ATG4B: variants seen among roughly 807,000 people sequenced by gnomAD.
ATG4B encodes cysteine protease ATG4B.
In ATG4B, 29 loss-of-function variants were observed where a neutral mutation model predicts 56.6. The ratio of observed to expected loss-of-function variants is 0.51; its 90% CI spans 0.38 to 0.70. The LOEUF (loss-of-function observed/expected upper bound fraction) is 0.70. Among genes scored for constraint, ATG4B ranks in the 30% least tolerant of loss-of-function variants. The probability of loss-of-function intolerance (pLI) is 0.00; values close to 1 mark genes in which losing one functional copy is unlikely to be tolerated. For missense variants in ATG4B, 461 were observed against 515.5 expected, an observed-to-expected ratio of 0.89 and a Z score of 1.02; for synonymous variants, 224 against 206.1, an observed-to-expected ratio of 1.09 and a Z score of -0.74.
Position 241,673,388 on chromosome 2 carries a change from T to C in ATG4B, c.*1124T>C, listed in dbSNP as rs1170178634. ...AAAGTATCTTTGCCCCACTAGGAAA[T>C]GTAAACAGGAGGGCTTGGGGAGCGT... On this transcript the variant is annotated 3_prime_UTR_variant, in exon 13 of 13. Transcript: ENST00000404914. 3 of 363,396 alleles carry C rather than the reference T, an allele frequency of 8.3e-6. No homozygotes were observed. The highest frequency in any genetic ancestry group is 7.0e-5 in the Admixed American group (2 of 28,526). The allele number at this position is 363,396 out of a possible 1,614,324, so 22.5% of individuals were successfully genotyped here. A position where few individuals can be genotyped will look rare whatever the true frequency, so the allele number is the denominator to read the frequency against.
chr2:241,655,653 G>A (rs967333110), intron 6 of ATG4B, among the ~76,000 whole-genome samples: 1 of 152,130 alleles, frequency 6.6e-6, no homozygotes, highest in Non-Finnish European at 1.5e-5. Flanking sequence ...AGCCATCTGT[G>A]CGGGTGCCGG....
chr2:241,659,745 A>T (rs2068533497), intron 7 of ATG4B: 1 of 190,702 alleles, frequency 5.2e-6, no homozygotes, highest in South Asian at 8.5e-5. Flanking sequence ...ACCTTCCATG[A>T]TGTAGCCAAG....
In ATG4B at chr2:241,668,506, G is replaced by T; in HGVS notation, c.812-34G>T. ...TCTGTCCCTTTCCTCTGCCGGCTCG[G>T]CCACCCACCTGCCCACCTGCCTCAT... On this transcript the variant is annotated intron_variant, in intron 9 of 12. Transcript: ENST00000404914. This position sits in a 1 kb window ranked among gnomAD's most constrained non-coding sequence, Gnocchi z 4.2. 6.3e-7 allele frequency: 1 copy of T among 1,596,454 alleles called. No individual in the cohort carries two copies. The highest frequency in any genetic ancestry group is 8.5e-7 in the Non-Finnish European group (1 of 1,175,888).
chr2:241,657,711 C>T (rs2068451800), intron 6 of ATG4B, among the ~76,000 whole-genome samples: 1 of 152,248 alleles, frequency 6.6e-6, no homozygotes, highest in Non-Finnish European at 1.5e-5. Flanking sequence ...CTTTCACTCC[C>T]TGTGCTGGTC....
chr2:241,668,681 C>T lies in ATG4B; in HGVS notation c.953C>T (p.Ala318Val). 1 of 1,571,802 alleles carries T rather than the reference C, an allele frequency of 6.4e-7. No homozygotes were observed. Among genetic ancestry groups the T allele is most frequent in the Non-Finnish European group, 8.6e-7 (1 of 1,159,990 alleles). Residue 318 changes from alanine (A) to valine (V), a missense_variant, in exon 10 of 13, where the codon GCT becomes GTT. By Grantham distance (64) the Ala-to-Val change is moderately conservative. Transcript: ENST00000404914. This position sits in a 1 kb window ranked among gnomAD's most constrained non-coding sequence, Gnocchi z 4.2. ...MSIAELDPSI[A>V]VGFFCKTEDD... ...ATCGCGGAGCTTGACCCGTCCATCG[C>T]TGTGGTACGTGGCGGCCACCTGAGC...
rs907981565 is a variant in ATG4B at position 241,672,377 on chromosome 2, C to A, written c.*113C>A. The A allele has an allele frequency of 1.0e-5, 10 of 964,068 alleles. No individual in the cohort carries two copies. Among genetic ancestry groups the A allele is most frequent in the Admixed American group, 4.4e-5 (2 of 45,124 alleles). The allele number at this position is 964,068 out of a possible 1,614,324, so 59.7% of individuals were successfully genotyped here. ...GGGCTGCGCCCCGTGCTGCCTCCCCCCAGAGGGCCACCCGCTGTGCTCGTG... is the reference window on the plus strand; with the variant it reads ...GGGCTGCGCCCCGTGCTGCCTCCCCACAGAGGGCCACCCGCTGTGCTCGTG... On this transcript the variant is annotated 3_prime_UTR_variant, in exon 13 of 13. Transcript: ENST00000404914.
At position 241,654,565 on chromosome 2, in the gene ATG4B, G is replaced by A. The variant is rs529958126; in HGVS notation, c.303G>A (p.Arg101=). ...CAATAGATTGGAGGTGGACACAAAG[G>A]AAGAGGCAGCCAGACAGCTACTTCA... ...HLGRDWRWTQ[R]KRQPDSYFSV... The change falls in exon 5 of 13, where the codon AGG becomes AGA. Residue 101 remains arginine (R), a synonymous_variant. Transcript: ENST00000404914. The A allele has an allele frequency of 6.3e-7, 1 of 1,598,520 alleles. No individual in the cohort carries two copies. Among genetic ancestry groups the A allele is most frequent in the South Asian group, 1.1e-5 (1 of 88,102 alleles).
intron 6 of ATG4B, among the ~76,000 whole-genome samples, chr2:241,657,692 G>A (rs1162647300): frequency 6.6e-6 from 1 of 152,156 alleles, no homozygotes; most frequent in Non-Finnish European, 1.5e-5. Context: ...ACTCTGACCA[G>A]TGTTCATCCT....
At chr2:241,672,124 G>A in intron 12 of ATG4B, 67 bp from the exon 13 acceptor site, 3 of 1,544,010 alleles carry the variant, frequency 1.9e-6, no homozygotes, top group South Asian at 1.2e-5. Context: ...CCCACGCCAA[G>A]GGCCCTTGAC....
intron 1 of ATG4B, among the ~76,000 whole-genome samples, chr2:241,646,339 A>G (rs1253746556): frequency 6.6e-6 from 1 of 152,030 alleles, no homozygotes; most frequent in African/African-American, 2.4e-5. Flanking sequence ...TATATTTTTA[A>G]TATGGGAAAC....
chr2:241,651,882 AG>A lies in ATG4B; in HGVS notation c.184+548del. 7.7e-7 allele frequency: 1 copy of A among 1,303,446 alleles called. No individual in the cohort carries two copies. Among genetic ancestry groups the A allele is most frequent in the South Asian group, 1.2e-5 (1 of 81,004 alleles). 80.7% of individuals were successfully genotyped at this position (1,303,446 alleles called of 1,614,324 possible). On this transcript the variant is annotated intron_variant, in intron 3 of 12. Transcript: ENST00000404914. The surrounding 1 kb of genome is among the most constrained non-coding windows in gnomAD (Gnocchi z 4.1). ...TAACACTAAGGTGCATTCTGTTAAA[AG>A]CCATTCATCATTGTTGTATACCCTG...
intron 12 of ATG4B, chr2:241,671,926 T>C: frequency 7.3e-7 from 1 of 1,371,378 alleles, no homozygotes; most frequent in Non-Finnish European, 9.4e-7. Context: ...ACCACGAGGG[T>C]CAGACGCGGG....
intron 1 of ATG4B, chr2:241,638,269 A>G (rs1423222444): frequency 6.6e-6 from 1 of 152,204 alleles, no homozygotes; most frequent in Non-Finnish European, 1.5e-5. Flanking sequence ...AGTAACCAGT[A>G]GATTCTCCAA....
intron 6 of ATG4B, among the ~76,000 whole-genome samples, chr2:241,656,294 C>T (rs1041295739): frequency 8.5e-5 from 13 of 152,106 alleles, no homozygotes; most frequent in Non-Finnish European, 1.6e-4. Context: ...CCACATCCCA[C>T]GTCACCCGCG....
At chr2:241,653,447 C>T in intron 3 of ATG4B, 65 bp from the exon 4 acceptor site, 1 of 1,551,466 alleles carries the variant, frequency 6.4e-7, no homozygotes. Context: ...TGCCTCCTGC[C>T]AGTGGGCTTG....
At chr2:241,667,073 A>G (rs2068801448) in intron 8 of ATG4B, among the ~76,000 whole-genome samples, 1 of 152,150 alleles carries the variant, frequency 6.6e-6, no homozygotes, top group Non-Finnish European at 1.5e-5. Flanking sequence ...GGATGAAAGC[A>G]TGAGGCGCTT....
At chr2:241,657,903 G>T (rs7600642) in intron 6 of ATG4B, among the ~76,000 whole-genome samples, 1 of 152,126 alleles carries the variant, frequency 6.6e-6, no homozygotes, top group Non-Finnish European at 1.5e-5. Context: ...GGCATGACAC[G>T]TTGTGCTCCT....
chr2:241,659,507 G>A (rs1035218787), intron 7 of ATG4B: 3 of 393,424 alleles, frequency 7.6e-6, no homozygotes, highest in African/African-American at 6.2e-5. Context: ...TTCTGGTGAA[G>A]TTATTTTGCG....
intron 7 of ATG4B, among the ~76,000 whole-genome samples, chr2:241,662,804 C>T (rs535985586): frequency 4.0e-5 from 6 of 148,940 alleles, no homozygotes; most frequent in South Asian, 4.3e-4. Flanking sequence ...GGGCCGGGCG[C>T]GGTGGCTCAC....
Sources: allele counts gnomAD v4.1 joint callset (sites outside exome capture counted in the v4.1 genomes callset), GRCh38; gene constraint gnomAD v4.1.1; non-coding constraint Gnocchi (gnomAD v3.1); transcripts MANE v1.5; gene names NCBI Gene and HGNC (gene_info 2026-07-23, HGNC 2026-07-21).